Variants in SV2C observed in about 807,000 individuals in gnomAD.
SV2C encodes synaptic vesicle glycoprotein 2C.
Under a neutral mutation model 79.7 loss-of-function variants are expected in SV2C, and 49 were observed. The ratio of observed to expected loss-of-function variants is 0.61; its 90% CI spans 0.49 to 0.78. The LOEUF (loss-of-function observed/expected upper bound fraction) is 0.78, where lower values mean the gene tolerates loss of function less well. Ranked by LOEUF, SV2C falls within the 30% of genes least tolerant of loss-of-function variation. SV2C has a pLI of 0.00. For synonymous variants in SV2C, 334 were observed against 333.2 expected (o/e 1.00, Z -0.03); for missense variants, 833 against 912.9 (o/e 0.91, Z 1.13).
the SV2C span, among the ~76,000 whole-genome samples, chr5:76,001,722 A>G: frequency 2.6e-5 from 4 of 152,092 alleles, no homozygotes; most frequent in African/African-American, 9.7e-5. Flanking sequence ...TTGAAATATC[A>G]CCCTTAGTCA....
At chr5:75,946,984 C>T in the SV2C span, among the ~76,000 whole-genome samples, 18 of 151,938 alleles carry the variant, frequency 1.2e-4, no homozygotes, top group Admixed American at 1.2e-3. Flanking sequence ...CTGAAAGATC[C>T]AAGTGAGAGA....
intron 4 of SV2C, among the ~76,000 whole-genome samples, chr5:76,223,669 C>G (rs1745159173): frequency 6.6e-6 from 1 of 151,648 alleles, no homozygotes; most frequent in South Asian, 2.1e-4. Context: ...TCTCTTCCTC[C>G]AGGAATCAAC....
In SV2C at chr5:76,266,951, C is replaced by A. The variant is rs1746679287; in HGVS notation, c.914-18211C>A. Among the ~76,000 whole-genome samples the A allele has an allele frequency of 2.0e-5, 3 of 152,304 alleles. No individual in the cohort carries two copies. In the South Asian group the frequency reaches 6.2e-4, roughly 32 times the overall value. ...CCAGTTCAGAGCCTGCACTGTCTAC[C>A]TTTTCCAGAGACACTTCCAAACTGG... On this transcript the variant is annotated intron_variant, in intron 4 of 12. Coordinates refer to ENST00000502798, the MANE Select transcript of SV2C (RefSeq NM_014979.4).
At chr5:75,890,412 T>G in the SV2C span, among the ~76,000 whole-genome samples, 1 of 152,136 alleles carries the variant, frequency 6.6e-6, no homozygotes, top group Non-Finnish European at 1.5e-5. Context: ...AGCCATTGCT[T>G]TGGAGTGTGG....
intron 4 of SV2C, among the ~76,000 whole-genome samples, chr5:76,234,674 G>A (rs1418489203): frequency 1.3e-5 from 2 of 152,216 alleles, no homozygotes; most frequent in Admixed American, 1.3e-4. Flanking sequence ...CTTTGCAAGA[G>A]CATTATAAAT....
At chr5:76,096,053 GA>G (rs1205272723) in intron 1 of SV2C, among the ~76,000 whole-genome samples, 2 of 152,122 alleles carry the variant, frequency 1.3e-5, no homozygotes, top group Admixed American at 1.3e-4. Context: ...TCAGGATACA[GA>G]AGCTTTACAT....
chr5:76,322,662 C>T (rs1748868337), intron 12 of SV2C, among the ~76,000 whole-genome samples: 1 of 152,176 alleles, frequency 6.6e-6, no homozygotes, highest in African/African-American at 2.4e-5. Context: ...GTAACCAAAA[C>T]AGCATGGTAC....
At chr5:75,929,770 A>T in the SV2C span, among the ~76,000 whole-genome samples, 1 of 152,116 alleles carries the variant, frequency 6.6e-6, no homozygotes, top group Non-Finnish European at 1.5e-5. Context: ...TATTTTATGT[A>T]GTTTTATACT....
At chr5:76,152,813 A>G (rs1270011114) in intron 2 of SV2C, among the ~76,000 whole-genome samples, 1 of 152,194 alleles carries the variant, frequency 6.6e-6, no homozygotes, top group Non-Finnish European at 1.5e-5. Context: ...CACTACCGTT[A>G]TAAGGTAGGG....
At chr5:76,247,187 T>A (rs1206383828) in intron 4 of SV2C, among the ~76,000 whole-genome samples, 1 of 152,154 alleles carries the variant, frequency 6.6e-6, no homozygotes, top group African/African-American at 2.4e-5. Context: ...AAGGACTAAC[T>A]AAGGATCACA....
intron 2 of SV2C, among the ~76,000 whole-genome samples, chr5:76,185,107 T>G (rs1276852994): frequency 2.0e-5 from 3 of 152,192 alleles, no homozygotes; most frequent in Non-Finnish European, 4.4e-5. Context: ...ATCCAGTAGG[T>G]CAGTAGTTAA....
At chr5:75,971,913 T>C in the SV2C span, among the ~76,000 whole-genome samples, 1 of 152,094 alleles carries the variant, frequency 6.6e-6, no homozygotes, top group African/African-American at 2.4e-5. Context: ...TCACACTACC[T>C]GACTTCAAAC....
chr5:75,999,569 C>A, the SV2C span, among the ~76,000 whole-genome samples: 1 of 151,724 alleles, frequency 6.6e-6, no homozygotes. Flanking sequence ...AGTTTGAGAG[C>A]AGGAGAAGAT....
chr5:76,060,958 C>G, the SV2C span, among the ~76,000 whole-genome samples: 1 of 151,988 alleles, frequency 6.6e-6, no homozygotes, highest in East Asian at 1.9e-4. Flanking sequence ...TTTCATGTCC[C>G]TGGAAACAGG....
At chr5:75,936,567 G>T in the SV2C span, among the ~76,000 whole-genome samples, 64 of 152,334 alleles carry the variant, frequency 4.2e-4, no homozygotes, top group African/African-American at 1.4e-3. Flanking sequence ...TTTGTGGACA[G>T]TGACATATGG....
chr5:76,006,470 C>T, the SV2C span, among the ~76,000 whole-genome samples: 1 of 152,148 alleles, frequency 6.6e-6, no homozygotes, highest in Non-Finnish European at 1.5e-5. Context: ...TACCTTGTTT[C>T]CCATGCAGGA....
At chr5:75,969,703 G>T in the SV2C span, among the ~76,000 whole-genome samples, 1 of 152,138 alleles carries the variant, frequency 6.6e-6, no homozygotes, top group East Asian at 1.9e-4. Context: ...AAGAGACTTA[G>T]ACTCCCACTC....
the SV2C span, among the ~76,000 whole-genome samples, chr5:75,922,409 G>A: frequency 6.6e-6 from 1 of 152,070 alleles, no homozygotes; most frequent in African/African-American, 2.4e-5. Flanking sequence ...AATTGAATTT[G>A]TCATTTTTCT....
the SV2C span, among the ~76,000 whole-genome samples, chr5:75,939,932 C>T: frequency 6.6e-6 from 1 of 152,106 alleles, no homozygotes; most frequent in Non-Finnish European, 1.5e-5. Context: ...TTCCAGCAAC[C>T]CTTCCCTTGC....
Sources: gnomAD v4.1 joint callset for allele counts (sites outside exome capture counted in the v4.1 genomes callset) on GRCh38, gnomAD v4.1.1 for gene constraint, MANE v1.5 for transcripts, NCBI Gene and HGNC (gene_info 2026-07-23, HGNC 2026-07-21) for gene names.